The following PHKA1 variants were observed in gnomAD, a reference collection of about 807,000 sequenced individuals.
PHKA1 encodes phosphorylase kinase regulatory subunit alpha 1, also known as phosphorylase b kinase regulatory subunit alpha, skeletal muscle isoform.
Under a neutral mutation model 110.2 loss-of-function variants are expected in PHKA1, and 60 were observed. That is an observed-to-expected ratio of 0.54 (90% CI 0.44 to 0.68). The LOEUF is 0.68. Ranked by LOEUF, PHKA1 falls within the 30% of genes least tolerant of loss-of-function variation. PHKA1 has a pLI of 0.00. For missense variants in PHKA1, 801 were observed against 942.5 expected, an observed-to-expected ratio of 0.85 and a Z score of 1.97; for synonymous variants, 316 against 333.6, an observed-to-expected ratio of 0.95 and a Z score of 0.58.
intron 3 of PHKA1, among the ~76,000 whole-genome samples, chrX:72,704,242 A>G (rs1053682124): frequency 3.6e-5 from 4 of 112,117 alleles, no homozygotes; most frequent in Admixed American, 9.5e-5. Flanking sequence ...CTTATCTCCA[A>G]TCTTAAAATC....
At chrX:72,599,347 G>T in intron 28 of PHKA1, among the ~76,000 whole-genome samples, 1 of 111,604 alleles carries the variant, frequency 9.0e-6, no homozygotes, top group East Asian at 2.8e-4. Context: ...CTCCTAAATT[G>T]TAAGCTTCAC....
chrX:72,617,649 T>C (rs1376257727), intron 21 of PHKA1, among the ~76,000 whole-genome samples: 1 of 111,414 alleles, frequency 9.0e-6, no homozygotes, highest in Non-Finnish European at 1.9e-5. Context: ...TGTGAACACA[T>C]ACAATCTACC....
In PHKA1 at chrX:72,608,686, A is replaced by G. The variant is rs1198709968; in HGVS notation, c.2606+938T>C. The stretch of plus-strand genomic sequence containing the variant: ...ACCAGGAAGGAAGGAGTATGCAGAC[A>G]TCAGCAAAAGTATCCCTTCTGTAGC... On this transcript the variant is annotated intron_variant, in intron 23 of 31. Transcript: ENST00000373542. Among the ~76,000 whole-genome samples, 6 of 111,554 alleles carry G rather than the reference A, an allele frequency of 5.4e-5. No individual in the cohort carries two copies. In the East Asian group the frequency reaches 1.7e-3, roughly 32 times the overall value.
At chrX:72,608,453 C>G (rs782050555) in intron 23 of PHKA1, among the ~76,000 whole-genome samples, 1 of 111,831 alleles carries the variant, frequency 8.9e-6, no homozygotes, top group African/African-American at 3.2e-5. Flanking sequence ...GCCGCATGCA[C>G]CCCAAGTCCA....
chrX:72,682,468 T>A (rs1556316642), intron 5 of PHKA1, among the ~76,000 whole-genome samples: 2 of 110,442 alleles, frequency 1.8e-5, no homozygotes, highest in African/African-American at 3.3e-5. Context: ...CAATGGCGGC[T>A]TTGTGGAATA....
chrX:72,705,358 G>A (rs1252485209), intron 2 of PHKA1, 113 bp from the exon 3 acceptor site: 5 of 526,153 alleles, frequency 9.5e-6, no homozygotes, highest in African/African-American at 4.6e-5. Context: ...CCTATCCTGT[G>A]TTCCTATTTA....
intron 1 of PHKA1, 133 bp downstream of exon 1, chrX:72,713,670 T>TCACACACACACACACACACA: frequency 1.3e-5 from 6 of 479,159 alleles, no homozygotes; most frequent in Non-Finnish European, 7.3e-6. Flanking sequence ...AAGGTCTCCG[T>TCACACACACACACACACACA]CACACACACA....
chrX:72,622,348 A>C (rs1166447480), intron 18 of PHKA1: 2 of 752,687 alleles, frequency 2.7e-6, no homozygotes, highest in Non-Finnish European at 3.1e-6. Context: ...TGGCTGCCTT[A>C]AGATACAGGC....
intron 4 of PHKA1, among the ~76,000 whole-genome samples, chrX:72,689,463 A>G (rs1235082975): frequency 1.8e-5 from 2 of 111,546 alleles, no homozygotes; most frequent in Non-Finnish European, 3.8e-5. Flanking sequence ...TTAGCATAAT[A>G]TTTTCAAGGT....
rs782505198 is a variant in PHKA1 at position 72,636,349 on chromosome X, G to A, written c.1497C>T (p.Tyr499=). ...AAGTTCCAAGCACTCCCATGTGTCTGTAGGGTCGTCCACTGAGTTTCATTC... is the reference window on the plus strand; with the variant it reads ...AAGTTCCAAGCACTCCCATGTGTCTATAGGGTCGTCCACTGAGTTTCATTC... ...NNRMKLSGRP[Y]RHMGVLGTSK... Residue 499 remains tyrosine, a synonymous_variant, in exon 15 of 32, where the codon TAC becomes TAT. Transcript: ENST00000373542. 2 of 1,201,308 alleles carry A rather than the reference G, an allele frequency of 1.7e-6. No individual in the cohort carries two copies. Among genetic ancestry groups the A allele is most frequent in the Non-Finnish European group, 2.3e-6 (2 of 885,920 alleles).
rs782706413 is a variant in PHKA1 at position 72,593,122 on chromosome X, T to C, written c.3225A>G (p.Val1075=). ...TGCTCACCTTCTGCAAAACTTTCCA[T>C]ACTTTCTGATAAAATCCAACTGGAA... ...NRVPVGFYQK[V]WKVLQKCHGL... Residue 1075 remains valine (V), a synonymous_variant, in exon 29 of 32, where the codon GTA becomes GTG. Coordinates refer to ENST00000373542, the MANE Select transcript of PHKA1 (RefSeq NM_002637.4). 6 of 1,197,476 alleles carry C rather than the reference T, an allele frequency of 5.0e-6. No homozygotes were observed. In the South Asian group the frequency reaches 1.1e-4, roughly 21 times the overall value.
At chrX:72,627,776 T>C (rs936066417) in intron 16 of PHKA1, among the ~76,000 whole-genome samples, 8 of 109,341 alleles carry the variant, frequency 7.3e-5, no homozygotes, top group African/African-American at 2.3e-4. Flanking sequence ...GCCAATTATA[T>C]TTCCACCAAC....
rs782008438 is a variant in PHKA1 at position 72,687,697 on chromosome X, C to T, written c.455-3117G>A. On this transcript the variant is annotated intron_variant, in intron 4 of 31. Transcript: ENST00000373542. ...GCTCAGCATTAAACTTTAAAAAAAA[C>T]TTCTTTCTCTATTATTGATATTTTA... Among the ~76,000 whole-genome samples, 10 of 111,242 alleles carry T rather than the reference C, an allele frequency of 9.0e-5. No homozygotes were observed. The South Asian group carries it at 3.0e-3, about 34-fold the overall frequency.
At chrX:72,626,623 TTA>T (rs2053075269) in intron 17 of PHKA1, among the ~76,000 whole-genome samples, 1 of 111,599 alleles carries the variant, frequency 9.0e-6, no homozygotes, top group Non-Finnish European at 1.9e-5. Context: ...GTACTGAACC[TTA>T]TATATATACT....
chrX:72,615,039 A>G (rs947583615), intron 21 of PHKA1, among the ~76,000 whole-genome samples: 1 of 112,451 alleles, frequency 8.9e-6, no homozygotes, highest in African/African-American at 3.2e-5. Flanking sequence ...AAAAGAAGCA[A>G]ATAACATATA....
chrX:72,671,748 G>A (rs1485697032), intron 6 of PHKA1, among the ~76,000 whole-genome samples: 5 of 110,246 alleles, frequency 4.5e-5, no homozygotes, highest in African/African-American at 6.6e-5. Flanking sequence ...GATATAGACC[G>A]ATGGAACAGA....
chrX:72,591,565 A>G (rs1411687081), intron 29 of PHKA1, among the ~76,000 whole-genome samples: 1 of 111,816 alleles, frequency 8.9e-6, no homozygotes, highest in East Asian at 2.8e-4. Context: ...TATAATTAAA[A>G]AAAAAGAAAA....
rs1201208482 is a variant in PHKA1, at chrX:72,579,912, T to A, written c.*1090A>T. 9.0e-6 allele frequency: 1 copy of A among 110,599 alleles called. No homozygotes were observed. The highest frequency in any genetic ancestry group is 3.3e-5 in the African/African-American group (1 of 30,411). 9.1% of individuals were successfully genotyped at this position (110,599 alleles called of 1,213,427 possible). ...GGGGATAGGGTGTCAGGGAGTTGAG[T>A]TGGATGTAGTAGAAAGTAGGTGAGT... On this transcript the variant is annotated 3_prime_UTR_variant, in exon 32 of 32. Transcript: ENST00000373542.
chrX:72,612,548 C>A (rs1190274716), intron 21 of PHKA1, among the ~76,000 whole-genome samples: 1 of 112,094 alleles, frequency 8.9e-6, no homozygotes, highest in African/African-American at 3.2e-5. Context: ...TATGAGGGTA[C>A]TTGCCATAGC....
Sources: gnomAD v4.1 joint callset for allele counts (sites outside exome capture counted in the v4.1 genomes callset) on GRCh38, gnomAD v4.1.1 for gene constraint, MANE v1.5 for transcripts, NCBI Gene and HGNC (gene_info 2026-07-23, HGNC 2026-07-21) for gene names.